The following ATXN7 variants were observed in gnomAD, a reference collection of about 807,000 sequenced individuals.
ATXN7 encodes ataxin 7, also known as ataxin-7.
A neutral mutation model predicts 70.5 loss-of-function variants in ATXN7; 12 were observed. That is an observed-to-expected ratio of 0.17 (90% confidence interval 0.11 to 0.28). The LOEUF (loss-of-function observed/expected upper bound fraction) is 0.28, where lower values mean the gene tolerates loss of function less well. ATXN7 is among the 10% of genes least tolerant of loss of function. The pLI is 1.00. For synonymous variants in ATXN7, 498 were observed against 448.7 expected, an observed-to-expected ratio of 1.11 and a Z score of -1.39; for missense variants, 1,256 against 1,131.7, an observed-to-expected ratio of 1.11 and a Z score of -1.58.
intron 8 of ATXN7, among the ~76,000 whole-genome samples, chr3:63,986,386 A>G (rs918461059): frequency 1.5e-4 from 23 of 152,178 alleles, no homozygotes; most frequent in Non-Finnish European, 2.6e-4. Flanking sequence ...TTAGGCTTCA[A>G]ACTGAGCTGG....
chr3:64,000,983 A>G lies in ATXN7; in HGVS notation c.*1516A>G, dbSNP rs1316950209. On this transcript the variant is annotated 3_prime_UTR_variant, in exon 13 of 13. Transcript: ENST00000674280. ...CACGAAGTTGCCGAACACAGGGTAA[A>G]ATTTCCAAGGCGCTGATCGTTGCCC... The G allele has an allele frequency of 6.6e-6, 1 of 151,758 alleles. No homozygotes were observed. Among genetic ancestry groups the G allele is most frequent in the Admixed American group, 6.6e-5 (1 of 15,240 alleles). The allele number at this position is 151,758 out of a possible 1,614,324, so 9.4% of individuals were successfully genotyped here. A position where few individuals can be genotyped will look rare whatever the true frequency, so the allele number is the denominator to read the frequency against.
At chr3:63,987,923 T>C in intron 8 of ATXN7, 136 bp from the exon 9 acceptor site, 1 of 1,079,276 alleles carries the variant, frequency 9.3e-7, no homozygotes, top group South Asian at 1.6e-5. Flanking sequence ...GGTTTTTAGC[T>C]TATCAAATGC....
chr3:63,870,972 T>G (rs368422434), intron 1 of ATXN7, among the ~76,000 whole-genome samples: 24 of 152,302 alleles, frequency 1.6e-4, no homozygotes, highest in Non-Finnish European at 2.4e-4. Flanking sequence ...GAGGGCTGCT[T>G]CTTTTAGTTT....
intron 5 of ATXN7, among the ~76,000 whole-genome samples, chr3:63,962,799 A>C (rs2075152452): frequency 6.6e-6 from 1 of 152,072 alleles, no homozygotes; most frequent in African/African-American, 2.4e-5. Context: ...GGGTGATTCA[A>C]CTGTGGTCTG....
intron 4 of ATXN7, among the ~76,000 whole-genome samples, chr3:63,941,039 G>A (rs978217652): frequency 2.0e-5 from 3 of 152,128 alleles, no homozygotes; most frequent in Non-Finnish European, 2.9e-5. Flanking sequence ...TCCTAACGCA[G>A]GTTCCTCAGG....
rs554990824 is a variant in ATXN7, at chr3:63,997,622, A to C, written c.2661+1139A>C. 1 of 1,551,398 alleles carries C rather than the reference A, an allele frequency of 6.4e-7. No homozygotes were observed. Among genetic ancestry groups the C allele is most frequent in the Non-Finnish European group, 8.7e-7 (1 of 1,146,448 alleles). On this transcript the variant is annotated intron_variant, in intron 12 of 12. Transcript: ENST00000674280. Reference sequence around the variant, plus strand: ...TCATCTTGTTATTTTATTCATCAGGATATCTCCTCACCTTGCTTACGAACA... The same window carrying C: ...TCATCTTGTTATTTTATTCATCAGGCTATCTCCTCACCTTGCTTACGAACA...
intron 5 of ATXN7, among the ~76,000 whole-genome samples, chr3:63,973,624 G>C (rs925417146): frequency 6.6e-6 from 1 of 152,184 alleles, no homozygotes; most frequent in Non-Finnish European, 1.5e-5. Context: ...GCTTGCCTGT[G>C]TTAAGGTTGT....
Position 63,988,089 on chromosome 3 carries a change from C to G in ATXN7, c.1126C>G (p.Gln376Glu). 6.2e-7 allele frequency: 1 copy of G among 1,613,994 alleles called. No individual in the cohort carries two copies. The highest frequency in any genetic ancestry group is 2.2e-5 in the East Asian group (1 of 44,866). ...TTCCTTAACCCAGCGCAGGGCTGTCCAGGGTAGAAGAAAACGATTTGATGT... is the reference window on the plus strand; with the variant it reads ...TTCCTTAACCCAGCGCAGGGCTGTCGAGGGTAGAAGAAAACGATTTGATGT... The part of the protein sequence containing the change: ...THSLTQRRAV[Q>E]GRRKRFDVLL... Residue 376 changes from glutamine (Q) to glutamate (E), a missense_variant, in exon 9 of 13, where the codon CAG becomes GAG. Coordinates refer to ENST00000674280, the MANE Select transcript of ATXN7 (RefSeq NM_001377405.1).
intron 2 of ATXN7, among the ~76,000 whole-genome samples, chr3:63,909,690 C>T (rs943916864): frequency 4.6e-5 from 7 of 152,112 alleles, no homozygotes; most frequent in African/African-American, 1.7e-4. Context: ...AAACTTCTAA[C>T]GACTATGGAT....
At chr3:63,990,016 T>C (rs2075643304) in intron 9 of ATXN7, among the ~76,000 whole-genome samples, 160 bp from the exon 10 acceptor site, 1 of 152,174 alleles carries the variant, frequency 6.6e-6, no homozygotes, top group Non-Finnish European at 1.5e-5. Flanking sequence ...AGAGGTTCCT[T>C]TACTCCCAAG....
chr3:63,996,068 C>T lies in ATXN7; in HGVS notation c.2246C>T (p.Thr749Met), dbSNP rs376073882. The T allele has an allele frequency of 4.4e-5, 71 of 1,614,182 alleles. No individual in the cohort carries two copies. The highest frequency in any genetic ancestry group is 8.8e-5 in the South Asian group (8 of 91,078). ...CACTCTGGGCCTCCCTACCCCTCAA[C>T]GGTAACATCTTCCCATAGCATCGGC... ...VAHSGPPYPS[T>M]VTSSHSIGLN... Residue 749 changes from threonine to methionine, a missense_variant, in exon 12 of 13, where the codon ACG (threonine) becomes ATG (methionine). Coordinates refer to ENST00000674280, the MANE Select transcript of ATXN7 (RefSeq NM_001377405.1).
At chr3:63,932,010 A>G (rs553664558) in intron 4 of ATXN7, among the ~76,000 whole-genome samples, 1 of 152,190 alleles carries the variant, frequency 6.6e-6, no homozygotes. Context: ...ACCTGAGTAC[A>G]GTTTTGTAGG....
intron 2 of ATXN7, among the ~76,000 whole-genome samples, chr3:63,900,346 C>A (rs1038704314): frequency 3.3e-5 from 5 of 152,158 alleles, no homozygotes; most frequent in African/African-American, 1.2e-4. Flanking sequence ...AATATTTTTA[C>A]CATTACCAAT....
intron 5 of ATXN7, among the ~76,000 whole-genome samples, chr3:63,963,198 G>A (rs895425451): frequency 1.3e-5 from 2 of 152,114 alleles, no homozygotes; most frequent in South Asian, 2.1e-4. Context: ...TTACAGGTGT[G>A]AACCACCACA....
intron 2 of ATXN7, among the ~76,000 whole-genome samples, chr3:63,899,088 A>G (rs1379216966): frequency 6.6e-6 from 1 of 150,624 alleles, no homozygotes; most frequent in Non-Finnish European, 1.5e-5. Flanking sequence ...TTTGAGACAG[A>G]GTCTCACTCT....
In ATXN7 at chr3:63,995,972, C is replaced by T; in HGVS notation, c.2150C>T (p.Ser717Phe). ...AACAGTTCCCCACTGTTGGTTCACTCTTCCTCCTCCTCTTCCTCCTCCTCC... is the reference window on the plus strand; with the variant it reads ...AACAGTTCCCCACTGTTGGTTCACTTTTCCTCCTCCTCTTCCTCCTCCTCC... ...RKNSSPLLVH[S>F]SSSSSSSSSS... is the part of the protein sequence containing the mutation. Residue 717 changes from serine to phenylalanine, a missense_variant, in exon 12 of 13, where the codon TCT (serine) becomes TTT (phenylalanine). Ser to Phe is a radical substitution (Grantham distance 155). Coordinates refer to ENST00000674280, the MANE Select transcript of ATXN7 (RefSeq NM_001377405.1). The T allele has an allele frequency of 2.5e-6, 4 of 1,613,806 alleles. No homozygotes were observed. The South Asian group carries it at 4.4e-5, about 18-fold the overall frequency.
chr3:63,871,874 A>C (rs1034893211), intron 1 of ATXN7, among the ~76,000 whole-genome samples: 8 of 152,160 alleles, frequency 5.3e-5, no homozygotes, highest in Middle Eastern at 3.4e-3. Context: ...TAAAAAAAAA[A>C]CAGATTATAA....
chr3:63,868,492 A>G (rs1702500663), intron 1 of ATXN7, among the ~76,000 whole-genome samples: 1 of 152,244 alleles, frequency 6.6e-6, no homozygotes, highest in Admixed American at 6.5e-5. Context: ...ATGGTATAGG[A>G]TAATAAGTAC....
In ATXN7 at chr3:63,990,245, A is replaced by C. The variant is rs748529780; in HGVS notation, c.1431A>C (p.Pro477=). 6.2e-7 allele frequency: 1 copy of C among 1,611,542 alleles called. No individual in the cohort carries two copies. Among genetic ancestry groups the C allele is most frequent in the South Asian group, 1.1e-5 (1 of 90,846 alleles). Residue 477 remains proline, a synonymous_variant, in exon 10 of 13, where the codon CCA becomes CCC. Coordinates refer to ENST00000674280, the MANE Select transcript of ATXN7 (RefSeq NM_001377405.1). The part of the protein sequence containing the change: ...PIDPPPVHES[P]HPPLPATEPA... ...ACCCTCCTCCAGTCCATGAATCTCCACACCCTCCCCTGCCTGCCACTGAGC... is the reference window on the plus strand; with the variant it reads ...ACCCTCCTCCAGTCCATGAATCTCCCCACCCTCCCCTGCCTGCCACTGAGC...
Sources: gnomAD v4.1 joint callset for allele counts (sites outside exome capture counted in the v4.1 genomes callset) on GRCh38, gnomAD v4.1.1 for gene constraint, MANE v1.5 for transcripts, NCBI Gene and HGNC (gene_info 2026-07-23, HGNC 2026-07-21) for gene names.